The following RBFOX1 variants were observed in gnomAD, a reference collection of about 807,000 sequenced individuals.
RBFOX1 encodes RNA binding fox-1 homolog 1.
RBFOX1 carries 8 observed loss-of-function variants against 57.7 expected under a neutral mutation model. That is an observed-to-expected ratio of 0.14 (90% CI 0.08 to 0.25). The LOEUF (loss-of-function observed/expected upper bound fraction) is 0.25. RBFOX1 is among the 10% of genes least tolerant of loss of function. The pLI, the probability that RBFOX1 is intolerant of heterozygous loss-of-function variation, is 1.00. For missense variants in RBFOX1, 611 were observed against 548.5 expected (o/e 1.11, Z -1.14); for synonymous variants, 326 against 222.4 (o/e 1.47, Z -4.15).
chr16:6,430,957 C>G lies in RBFOX1; in HGVS notation c.-64+113900C>G, dbSNP rs141646093. On this transcript the variant is annotated intron_variant, in intron 2 of 15. Transcript: ENST00000550418. ...ACCGGCATGGGCAACATAGTGAGTC[C>G]TCATCTCCAGAAAAAAAAAAAAAAA... Among the ~76,000 whole-genome samples, 7 of 139,656 alleles carry G rather than the reference C, an allele frequency of 5.0e-5. No individual in the cohort carries two copies. In the East Asian group the frequency reaches 1.5e-3, roughly 30 times the overall value. 91.6% of individuals were successfully genotyped at this position (139,656 alleles called of 152,430 possible).
chr16:5,305,562 G>A (rs898120905), intron 1 of RBFOX1, among the ~76,000 whole-genome samples: 1 of 152,160 alleles, frequency 6.6e-6, no homozygotes, highest in African/African-American at 2.4e-5. Flanking sequence ...GGATCTGTGA[G>A]ATTTTATCTA....
At chr16:6,670,281 G>A (rs1457319186) in intron 3 of RBFOX1, among the ~76,000 whole-genome samples, 1 of 151,982 alleles carries the variant, frequency 6.6e-6, no homozygotes, top group Non-Finnish European at 1.5e-5. Context: ...TGTTGTCCAG[G>A]CTGGCTTCCA....
intron 3 of RBFOX1, among the ~76,000 whole-genome samples, chr16:7,045,968 T>C (rs551491682): frequency 6.6e-6 from 1 of 152,172 alleles, no homozygotes; most frequent in Non-Finnish European, 1.5e-5. Context: ...AAGATAAACT[T>C]TTTATTAATT....
chr16:7,129,572 A>T (rs1007993967), intron 4 of RBFOX1, among the ~76,000 whole-genome samples: 1 of 152,048 alleles, frequency 6.6e-6, no homozygotes, highest in Non-Finnish European at 1.5e-5. Flanking sequence ...TCTCCTGGGG[A>T]AAAAAATTGA....
intron 1 of RBFOX1, among the ~76,000 whole-genome samples, chr16:6,270,971 G>T (rs372165241): frequency 6.6e-6 from 1 of 152,182 alleles, no homozygotes; most frequent in Non-Finnish European, 1.5e-5. Context: ...GAGTCTCCAG[G>T]AAAATAAATA....
chr16:6,865,842 CTT>C (rs1567624327), intron 3 of RBFOX1, among the ~76,000 whole-genome samples: 1 of 152,276 alleles, frequency 6.6e-6, no homozygotes, highest in East Asian at 1.9e-4. Flanking sequence ...TAACTTCTCT[CTT>C]TTTTGCGTGT....
chr16:7,048,384 C>G (rs532454684), intron 3 of RBFOX1, among the ~76,000 whole-genome samples: 3 of 152,080 alleles, frequency 2.0e-5, no homozygotes, highest in Admixed American at 1.3e-4. Flanking sequence ...CTCAGCCTCC[C>G]TAGTAGCTGG....
chr16:5,741,837 C>T (rs549440851), intron 3 of RBFOX1, among the ~76,000 whole-genome samples: 33 of 152,238 alleles, frequency 2.2e-4, no homozygotes, highest in Admixed American at 2.6e-4. Flanking sequence ...ATAAGATTTT[C>T]TTCTTTGTAA....
chr16:7,244,575 G>A (rs749725123), intron 4 of RBFOX1, among the ~76,000 whole-genome samples: 7 of 152,186 alleles, frequency 4.6e-5, no homozygotes, highest in Non-Finnish European at 5.9e-5. Context: ...CTAGAGAAAG[G>A]GAACTTTAAT....
chr16:6,672,282 T>G (rs73531964), intron 3 of RBFOX1, among the ~76,000 whole-genome samples: 2,033 of 151,948 alleles, frequency 0.013, 50 homozygotes, highest in African/African-American at 0.047. Flanking sequence ...ATACATCCAA[T>G]ATAAATATAC....
At chr16:6,931,308 T>C (rs976718823) in intron 3 of RBFOX1, among the ~76,000 whole-genome samples, 3 of 126,582 alleles carry the variant, frequency 2.4e-5, no homozygotes, top group African/African-American at 1.0e-4. Flanking sequence ...TATCTATCTA[T>C]CTATCTATCT....
At chr16:6,924,169 AAATAATAAT>A (rs34239520) in intron 3 of RBFOX1, among the ~76,000 whole-genome samples, 2 of 146,742 alleles carry the variant, frequency 1.4e-5, no homozygotes, top group African/African-American at 5.1e-5. Context: ...TCTGTCTCAA[AAATAATAAT>A]AATAATAATA....
intron 3 of RBFOX1, among the ~76,000 whole-genome samples, chr16:6,681,520 A>AAG (rs77281897): frequency 0.64 from 97,404 of 151,708 alleles, 33,837 homozygotes; most frequent in East Asian, 0.78. Context: ...TTGTCTCCAG[A>AAG]AGAGGTGTTT....
At chr16:6,911,194 T>C (rs894884406) in intron 3 of RBFOX1, among the ~76,000 whole-genome samples, 1 of 78,766 alleles carries the variant, frequency 1.3e-5, no homozygotes, top group Non-Finnish European at 2.4e-5. Context: ...AAGAGTAAAA[T>C]TGTGTCTCAA....
intron 2 of RBFOX1, among the ~76,000 whole-genome samples, chr16:6,508,822 A>T (rs2096181048): frequency 6.6e-6 from 1 of 152,058 alleles, no homozygotes; most frequent in Non-Finnish European, 1.5e-5. Flanking sequence ...TACAAAAGTA[A>T]TCACGGTAAA....
intron 2 of RBFOX1, among the ~76,000 whole-genome samples, chr16:6,330,630 C>G (rs1247935191): frequency 6.6e-6 from 1 of 152,218 alleles, no homozygotes; most frequent in African/African-American, 2.4e-5. Context: ...CATGTGCTAG[C>G]CGCGAGAGAC....
intron 2 of RBFOX1, among the ~76,000 whole-genome samples, chr16:6,460,636 A>G (rs1170808476): frequency 6.6e-5 from 10 of 152,194 alleles, no homozygotes; most frequent in Admixed American, 6.5e-4. Context: ...GAACACTTTT[A>G]CACTGTTAGT....
chr16:5,982,831 C>CT (rs748707235), intron 4 of RBFOX1, among the ~76,000 whole-genome samples: 4 of 152,186 alleles, frequency 2.6e-5, no homozygotes, highest in Non-Finnish European at 2.9e-5. Context: ...AATGTGGAGC[C>CT]TTTGCTGTGT....
intron 4 of RBFOX1, among the ~76,000 whole-genome samples, chr16:7,439,764 A>G (rs1239691700): frequency 6.6e-6 from 1 of 152,114 alleles, no homozygotes; most frequent in Non-Finnish European, 1.5e-5. Context: ...TTTCCTGAGC[A>G]TCTACCGCCA....
Sources: gnomAD v4.1 joint callset for allele counts (sites outside exome capture counted in the v4.1 genomes callset) on GRCh38, gnomAD v4.1.1 for gene constraint, MANE v1.5 for transcripts, NCBI Gene and HGNC (gene_info 2026-07-23, HGNC 2026-07-21) for gene names.